EXD3: variants seen among roughly 807,000 people sequenced by gnomAD.
EXD3 encodes the protein exonuclease mut-7 homolog.
Under a neutral mutation model 98.0 loss-of-function variants are expected in EXD3, and 92 were observed. That is an observed-to-expected ratio of 0.94 (90% CI 0.79 to 1.12). The LOEUF is 1.12. Among genes scored for constraint, EXD3 ranks in the 50% most tolerant of loss-of-function variants. The probability of loss-of-function intolerance (pLI) is 0.00; values close to 1 mark genes in which losing one functional copy is unlikely to be tolerated. For missense variants in EXD3, 1,222 were observed against 1,191.6 expected, an observed-to-expected ratio of 1.03 and a Z score of -0.38; for synonymous variants, 569 against 526.0, an observed-to-expected ratio of 1.08 and a Z score of -1.12.
intron 4 of EXD3, 80 bp from the exon 5 acceptor site, chr9:137,373,152 T>C: frequency 6.8e-7 from 1 of 1,464,558 alleles, no homozygotes; most frequent in Non-Finnish European, 9.1e-7. Flanking sequence ...AGGCCTGGCT[T>C]AGGAAGCAGC....
intron 16 of EXD3, 82 bp from the exon 17 acceptor site, chr9:137,348,320 G>GAGGGGC: frequency 3.5e-6 from 5 of 1,419,580 alleles, no homozygotes; most frequent in Non-Finnish European, 3.8e-6. Context: ...CTGAGGCTGT[G>GAGGGGC]TGGCCAGCAC....
intron 1 of EXD3, among the ~76,000 whole-genome samples, chr9:137,417,366 G>C (rs1219925412): frequency 6.6e-6 from 1 of 152,226 alleles, no homozygotes; most frequent in Non-Finnish European, 1.5e-5. Context: ...CGCCCGCAGA[G>C]GCGCCAGACG....
At chr9:137,387,695 G>A (rs1836675679) in intron 2 of EXD3, among the ~76,000 whole-genome samples, 1 of 152,192 alleles carries the variant, frequency 6.6e-6, no homozygotes, top group African/African-American at 2.4e-5. Context: ...GGTCCGAGAA[G>A]GGCGGGTGGG....
intron 2 of EXD3, among the ~76,000 whole-genome samples, chr9:137,389,656 C>A (rs1836788856): frequency 6.6e-6 from 1 of 152,068 alleles, no homozygotes; most frequent in Non-Finnish European, 1.5e-5. Flanking sequence ...GCGAGAGGGA[C>A]AGAGAGGGAC....
At chr9:137,416,985 C>T (rs936385336) in intron 1 of EXD3, among the ~76,000 whole-genome samples, 4 of 152,350 alleles carry the variant, frequency 2.6e-5, no homozygotes, top group South Asian at 2.1e-4. Flanking sequence ...CCCAACTCCA[C>T]GGGAGGGTCT....
Position 137,392,646 on chromosome 9 carries a change from G to C in EXD3, c.55+2657C>G, listed in dbSNP as rs373386706. The stretch of plus-strand genomic sequence containing the variant: ...CCTAAAGCAGCACAGAAAGGATGGG[G>C]GGATGTGGCCATTCCAGGAAGCGCC... On this transcript the variant is annotated intron_variant, in intron 2 of 21. Coordinates refer to ENST00000340951, the MANE Select transcript of EXD3 (RefSeq NM_017820.5). 148 of 325,518 alleles carry C rather than the reference G, an allele frequency of 4.5e-4. 1 individual carries two copies. The highest frequency in any genetic ancestry group is 3.7e-3 in the South Asian group (145 of 38,874). 20.2% of individuals were successfully genotyped at this position (325,518 alleles called of 1,614,324 possible).
intron 8 of EXD3, among the ~76,000 whole-genome samples, chr9:137,355,539 G>GAAGGAGA (rs1834646830): frequency 7.7e-6 from 1 of 129,488 alleles, no homozygotes; most frequent in Non-Finnish European, 1.6e-5. Flanking sequence ...GAGGAAGGAG[G>GAAGGAGA]AAGGAGGAAG....
chr9:137,332,971 G>A lies in EXD3; in HGVS notation c.1999-8828C>T, dbSNP rs146111496. Among the ~76,000 whole-genome samples, 981 of 152,274 alleles carry A rather than the reference G, an allele frequency of 6.4e-3. 5 individuals are homozygous for A. The highest frequency in any genetic ancestry group is 0.022 in the African/African-American group (923 of 41,554). ...ATTGATCCTGGATGTGTCTGTGGGG[G>A]TGTTGCCAAAGGGGATTCACATTTG... is the stretch of plus-strand genomic sequence containing the variant. On this transcript the variant is annotated intron_variant, in intron 17 of 21. Transcript: ENST00000340951.
intron 7 of EXD3, among the ~76,000 whole-genome samples, chr9:137,359,099 A>G (rs1310529376): frequency 2.3e-5 from 1 of 42,616 alleles, no homozygotes; most frequent in African/African-American, 5.6e-5. Flanking sequence ...GGCGCCCGCC[A>G]CCACGCCTGG....
chr9:137,383,041 G>A (rs970644421), intron 3 of EXD3, among the ~76,000 whole-genome samples: 2 of 152,228 alleles, frequency 1.3e-5, no homozygotes, highest in Admixed American at 6.5e-5. Flanking sequence ...GTCCCTGCAG[G>A]TGAGTGGCCC....
At chr9:137,366,741 A>G (rs1835281141) in intron 6 of EXD3, 109 bp from the exon 7 acceptor site, 7 of 1,358,606 alleles carry the variant, frequency 5.2e-6, no homozygotes, top group Non-Finnish European at 6.9e-6. Context: ...AGGGGCCCAG[A>G]GGCCGTCCAG....
intron 2 of EXD3, chr9:137,392,685 G>T: frequency 2.9e-6 from 1 of 346,088 alleles, no homozygotes; most frequent in South Asian, 2.3e-5. Context: ...CTGTTCCAGG[G>T]GGTGCTGTGT....
intron 2 of EXD3, among the ~76,000 whole-genome samples, chr9:137,390,016 G>A (rs182873775): frequency 0.024 from 3,488 of 148,302 alleles, 133 homozygotes; most frequent in African/African-American, 0.077. Context: ...CAGCTACTCA[G>A]GAAGCTGAGG....
In EXD3 at chr9:137,373,092, G is replaced by A; in HGVS notation, c.295-20C>T. ...GCTGTGCTGGAAGAGCAGGGACCCA[G>A]ACTTACTGGACGCAGCACCCAGTGG... On this transcript the variant is annotated intron_variant, in intron 4 of 21. Transcript: ENST00000340951. The A allele has an allele frequency of 6.5e-7, 1 of 1,539,414 alleles. No individual in the cohort carries two copies. The highest frequency in any genetic ancestry group is 1.2e-5 in the South Asian group (1 of 80,704).
chr9:137,354,652 G>T (rs375311785), intron 9 of EXD3, 48 bp downstream of exon 9: 2 of 1,605,130 alleles, frequency 1.2e-6, no homozygotes, highest in African/African-American at 1.3e-5. Context: ...AAACTCTGTG[G>T]CTCAGGCCGC....
rs1316738248 is a variant in EXD3 at position 137,360,071 on chromosome 9, C to T, written c.657-3703G>A. On this transcript the variant is annotated intron_variant, in intron 7 of 21. Transcript: ENST00000340951. ...TGTCCTTGTCACCACTTGGTATGTT[C>T]GACTTTTAAATTTTAGCCTTCCTGA... Among the ~76,000 whole-genome samples the T allele has an allele frequency of 7.0e-5, 6 of 86,154 alleles. 2 individuals are homozygous for T. Among genetic ancestry groups the T allele is most frequent in the African/African-American group, 9.6e-5 (3 of 31,112 alleles). The allele number at this position is 86,154 out of a possible 152,430, so 56.5% of individuals were successfully genotyped here.
At chr9:137,368,784 G>A (rs1055654291) in intron 5 of EXD3, among the ~76,000 whole-genome samples, 28 of 151,652 alleles carry the variant, frequency 1.8e-4, no homozygotes, top group Admixed American at 1.3e-3. Context: ...CTGACCCGGC[G>A]CCTCTACTGT....
At position 137,403,419 on chromosome 9, in the gene EXD3, AGCCCAGCAG is replaced by A. The variant is rs1837566568; in HGVS notation, c.-47-8024_-47-8016del. Reference sequence around the variant, plus strand: ...TTCCTCTGTAGCCCTCCCCACCCCCAGCCCAGCAGCAGCAGCAGCCAGCACACCCTGGCC... The same window carrying A: ...TTCCTCTGTAGCCCTCCCCACCCCCACAGCAGCAGCCAGCACACCCTGGCC... On this transcript the variant is annotated intron_variant, in intron 1 of 21. Coordinates refer to ENST00000340951, the MANE Select transcript of EXD3 (RefSeq NM_017820.5). The surrounding 1 kb of genome is among the most constrained non-coding windows in gnomAD (Gnocchi z 6.1). Among the ~76,000 whole-genome samples, 1 of 39,930 alleles carries A rather than the reference AGCCCAGCAG, an allele frequency of 2.5e-5. No individual in the cohort carries two copies. The highest frequency in any genetic ancestry group is 5.6e-5 in the Non-Finnish European group (1 of 17,882). The allele number at this position is 39,930 out of a possible 152,430, so 26.2% of individuals were successfully genotyped here.
chr9:137,406,104 T>C (rs28379133), intron 1 of EXD3, among the ~76,000 whole-genome samples: 1 of 151,472 alleles, frequency 6.6e-6, no homozygotes, highest in African/African-American at 2.4e-5. Flanking sequence ...TAGTCCCAGC[T>C]ACTCAGGAGG....
Sources: gnomAD v4.1 joint callset for allele counts (sites outside exome capture counted in the v4.1 genomes callset) on GRCh38, gnomAD v4.1.1 for gene constraint, Gnocchi (gnomAD v3.1) non-coding constraint, MANE v1.5 for transcripts, NCBI Gene and HGNC (gene_info 2026-07-23, HGNC 2026-07-21) for gene names.